BTBD9: variants seen among roughly 807,000 people sequenced by gnomAD.
BTBD9 encodes BTB/POZ domain-containing protein 9.
BTBD9 carries 49 observed loss-of-function variants against 64.3 expected under a neutral mutation model. The ratio of observed to expected loss-of-function variants is 0.76; its 90% CI spans 0.61 to 0.97. The LOEUF (loss-of-function observed/expected upper bound fraction) is 0.97, where lower values mean the gene tolerates loss of function less well. Ranked by LOEUF, BTBD9 falls within the 50% of genes least tolerant of loss-of-function variation. The pLI is 0.00. For missense variants in BTBD9, 598 were observed against 762.1 expected (o/e 0.78, Z 2.53); for synonymous variants, 260 against 274.7 (o/e 0.95, Z 0.53).
chr6:38,587,616 C>A, intron 4 of BTBD9: 1 of 588,588 alleles, frequency 1.7e-6, no homozygotes, highest in Non-Finnish European at 3.2e-6. Flanking sequence ...AACGAAGACC[C>A]CTTGAATCAA....
At chr6:38,455,443 T>C (rs1769751895) in intron 6 of BTBD9, among the ~76,000 whole-genome samples, 1 of 152,234 alleles carries the variant, frequency 6.6e-6, no homozygotes, top group African/African-American at 2.4e-5. Context: ...GTCTTGGGAT[T>C]ACAGGCGTAA....
At chr6:38,318,209 G>C (rs1763098330) in intron 7 of BTBD9, among the ~76,000 whole-genome samples, 1 of 152,108 alleles carries the variant, frequency 6.6e-6, no homozygotes, top group Non-Finnish European at 1.5e-5. Flanking sequence ...CAGCTATTTT[G>C]AATTCTCTCT....
chr6:38,221,996 A>G (rs1763213458), intron 9 of BTBD9, among the ~76,000 whole-genome samples: 1 of 152,062 alleles, frequency 6.6e-6, no homozygotes, highest in Non-Finnish European at 1.5e-5. Context: ...TCTCGAAGAA[A>G]AAAAATAAAA....
intron 1 of BTBD9, among the ~76,000 whole-genome samples, chr6:38,622,182 A>C (rs1299976178): frequency 1.3e-5 from 2 of 152,236 alleles, no homozygotes; most frequent in African/African-American, 4.8e-5. Context: ...CCAAAGGATA[A>C]TCCCTCGGTC....
chr6:38,406,685 GA>G (rs1767179230), intron 6 of BTBD9, among the ~76,000 whole-genome samples: 1 of 152,310 alleles, frequency 6.6e-6, no homozygotes, highest in African/African-American at 2.4e-5. Flanking sequence ...CGTGTCATCT[GA>G]AATCAATAAT....
chr6:38,439,519 C>T (rs536753665), intron 6 of BTBD9, among the ~76,000 whole-genome samples: 15 of 152,078 alleles, frequency 9.9e-5, no homozygotes, highest in African/African-American at 3.4e-4. Flanking sequence ...CTCTGCCTCC[C>T]GGGCTCAAGT....
intron 6 of BTBD9, among the ~76,000 whole-genome samples, chr6:38,423,422 A>T (rs1301129986): frequency 6.6e-6 from 1 of 151,896 alleles, no homozygotes; most frequent in Non-Finnish European, 1.5e-5. Context: ...CTCCCACCTA[A>T]GCCTCCCTCG....
intron 7 of BTBD9, among the ~76,000 whole-genome samples, chr6:38,290,189 T>C (rs1444287140): frequency 6.7e-6 from 1 of 150,096 alleles, no homozygotes; most frequent in Non-Finnish European, 1.5e-5. Context: ...AGAGAGAGGA[T>C]GAATTTTTCT....
intron 7 of BTBD9, among the ~76,000 whole-genome samples, chr6:38,296,407 G>A (rs1332918452): frequency 1.3e-5 from 2 of 151,826 alleles, no homozygotes; most frequent in Non-Finnish European, 2.9e-5. Context: ...AACCAACATT[G>A]GGTTTTGTTG....
chr6:38,282,851 G>A (rs1051912606), intron 8 of BTBD9, among the ~76,000 whole-genome samples: 9 of 152,182 alleles, frequency 5.9e-5, no homozygotes, highest in Middle Eastern at 3.4e-3. Context: ...TCTCCAACCC[G>A]GTTTTTCCTC....
chr6:38,467,272 C>T lies in BTBD9; in HGVS notation c.1154+110328G>A, dbSNP rs113045623. Among the ~76,000 whole-genome samples, 59 of 152,264 alleles carry T rather than the reference C, an allele frequency of 3.9e-4. 1 individual carries two copies. The highest frequency in any genetic ancestry group is 1.2e-3 in the African/African-American group (49 of 41,548). ...AGCTTGGTTTTCAGAAACCGTCAGA[C>T]GCTTCTTTTCCTCAAAGTTTCTTCC... is the stretch of plus-strand genomic sequence containing the variant. On this transcript the variant is annotated intron_variant, in intron 6 of 10. Coordinates refer to ENST00000481247, the MANE Select transcript of BTBD9 (RefSeq NM_001099272.2).
intron 6 of BTBD9, among the ~76,000 whole-genome samples, chr6:38,371,563 T>A (rs542122906): frequency 6.6e-6 from 1 of 152,322 alleles, no homozygotes; most frequent in East Asian, 1.9e-4. Flanking sequence ...GGATGACTTC[T>A]CAAGGTCACT....
intron 6 of BTBD9, among the ~76,000 whole-genome samples, chr6:38,429,248 A>C (rs1030155035): frequency 2.6e-5 from 4 of 151,348 alleles, no homozygotes; most frequent in African/African-American, 9.7e-5. Context: ...TGAGGTCAGG[A>C]GTTCAAGACC....
intron 6 of BTBD9, among the ~76,000 whole-genome samples, chr6:38,529,952 C>T (rs1773713255): frequency 6.6e-6 from 1 of 152,152 alleles, no homozygotes; most frequent in African/African-American, 2.4e-5. Context: ...TTTCTTCTTG[C>T]AGAGAGCCTA....
chr6:38,595,659 G>T, intron 2 of BTBD9: 2 of 440,810 alleles, frequency 4.5e-6, no homozygotes, highest in Non-Finnish European at 6.0e-6. Context: ...AGCATTTCAG[G>T]TTTACCTACC....
chr6:38,616,889 G>A (rs112683002), intron 1 of BTBD9, among the ~76,000 whole-genome samples: 3 of 152,082 alleles, frequency 2.0e-5, no homozygotes, highest in South Asian at 2.1e-4. Context: ...ACAAAGGTCC[G>A]CAGCTTCATT....
chr6:38,412,201 T>G (rs1767458684), intron 6 of BTBD9, among the ~76,000 whole-genome samples: 1 of 151,890 alleles, frequency 6.6e-6, no homozygotes, highest in Non-Finnish European at 1.5e-5. Flanking sequence ...AAAAAATATC[T>G]GCGACTTCTA....
chr6:38,341,442 G>C (rs1764094233), intron 7 of BTBD9, among the ~76,000 whole-genome samples: 2 of 152,294 alleles, frequency 1.3e-5, no homozygotes, highest in African/African-American at 4.8e-5. Context: ...GATAAAACTA[G>C]GTTAGCTGTG....
chr6:38,580,969 G>A (rs573136708), intron 4 of BTBD9, among the ~76,000 whole-genome samples: 68 of 152,304 alleles, frequency 4.5e-4, no homozygotes, highest in African/African-American at 1.6e-3. Flanking sequence ...GAGGTGGGCG[G>A]ATCACCTGAG....
Sources: gnomAD v4.1 joint callset for allele counts (sites outside exome capture counted in the v4.1 genomes callset) on GRCh38, gnomAD v4.1.1 for gene constraint, MANE v1.5 for transcripts, NCBI Gene and HGNC (gene_info 2026-07-23, HGNC 2026-07-21) for gene names.